The following DNAH1 variants were observed in gnomAD, a reference collection of about 807,000 sequenced individuals.
DNAH1 encodes the protein axonemal beta dynein heavy chain 1.
A neutral mutation model predicts 484.3 loss-of-function variants in DNAH1; 327 were observed. The observed-to-expected ratio is 0.68, with a 90% confidence interval of 0.62 to 0.74. The LOEUF (loss-of-function observed/expected upper bound fraction) is 0.74, where lower values mean the gene tolerates loss of function less well. Among genes scored for constraint, DNAH1 ranks in the 30% least tolerant of loss-of-function variants. The pLI, the probability that DNAH1 is intolerant of heterozygous loss-of-function variation, is 0.00. For missense variants in DNAH1, 5,052 were observed against 5,546.8 expected (o/e 0.91, Z 2.83); for synonymous variants, 2,192 against 2,191.9 (o/e 1.00, Z 0.00).
intron 4 of DNAH1, 141 bp from the exon 5 acceptor site, chr3:52,326,594 A>T: frequency 9.2e-7 from 1 of 1,086,614 alleles, no homozygotes; most frequent in South Asian, 1.6e-5. Flanking sequence ...CTTCCTGATG[A>T]GTCTCAGAGG....
intron 12 of DNAH1, among the ~76,000 whole-genome samples, chr3:52,348,489 G>C (rs934859370): frequency 1.3e-5 from 2 of 152,248 alleles, no homozygotes; most frequent in African/African-American, 4.8e-5. Flanking sequence ...ACACCCAGCT[G>C]CACACAGCCC....
At chr3:52,398,280 C>T in intron 75 of DNAH1, 118 bp downstream of exon 75, 1 of 1,313,134 alleles carries the variant, frequency 7.6e-7, no homozygotes, top group Non-Finnish European at 1.0e-6. Context: ...TCTAACTCAG[C>T]TATTTTTTGT....
chr3:52,394,733 G>A (rs1184100189), intron 67 of DNAH1, 72 bp downstream of exon 67: 5 of 1,513,002 alleles, frequency 3.3e-6, no homozygotes, highest in Admixed American at 2.2e-5. Flanking sequence ...GCTTGTCTGG[G>A]CGCCTTCTCT....
chr3:52,388,997 C>A, intron 59 of DNAH1, 60 bp downstream of exon 59: 1 of 1,508,856 alleles, frequency 6.6e-7, no homozygotes, highest in South Asian at 1.3e-5. Flanking sequence ...ACCCTTCCCC[C>A]TTGAGGCCTC....
At chr3:52,372,824 AC>A in intron 43 of DNAH1, 71 bp from the exon 44 acceptor site, 1 of 1,533,794 alleles carries the variant, frequency 6.5e-7, no homozygotes, top group South Asian at 1.3e-5. Context: ...CAAAGCTGCC[AC>A]CCGTTCGCCC....
At chr3:52,311,013 G>A in the DNAH1 span, among the ~76,000 whole-genome samples, 1 of 152,210 alleles carries the variant, frequency 6.6e-6, no homozygotes. Flanking sequence ...CCCAACTGAG[G>A]GAGGGTTGAC....
chr3:52,344,716 C>T, intron 9 of DNAH1, 69 bp downstream of exon 9: 1 of 1,511,364 alleles, frequency 6.6e-7, no homozygotes, highest in Non-Finnish European at 8.9e-7. Flanking sequence ...CCACCTTCCC[C>T]TCCAGGATTG....
In DNAH1 at chr3:52,388,513, C is replaced by T. The variant is rs773840451; in HGVS notation, c.9267C>T (p.Ala3089=). Residue 3089 remains alanine, a synonymous_variant, in exon 58 of 78, where the codon GCC becomes GCT. Transcript: ENST00000420323. ...TTCGTGAGGTGGAGGACGGCATCGCCACAATGCAGGCTAAGTACCGGGAAT... is the reference window on the plus strand; with the variant it reads ...TTCGTGAGGTGGAGGACGGCATCGCTACAATGCAGGCTAAGTACCGGGAAT... ...QRLREVEDGI[A]TMQAKYRECI... is the part of the protein sequence containing the mutation. 3 of 1,612,852 alleles carry T rather than the reference C, an allele frequency of 1.9e-6. No homozygotes were observed. The highest frequency in any genetic ancestry group is 2.7e-5 in the African/African-American group (2 of 75,052).
intron 8 of DNAH1, among the ~76,000 whole-genome samples, chr3:52,344,259 G>A (rs1702056394): frequency 6.6e-6 from 1 of 152,178 alleles, no homozygotes; most frequent in Admixed American, 6.5e-5. Context: ...ACAGAAAATG[G>A]GGACAAGGGG....
chr3:52,370,182 C>T lies in DNAH1; in HGVS notation c.6211C>T (p.Leu2071Phe). 1.2e-6 allele frequency: 2 copies of T among 1,614,016 alleles called. No individual in the cohort carries two copies. Among genetic ancestry groups the T allele is most frequent in the Non-Finnish European group, 1.7e-6 (2 of 1,179,886 alleles). ...AACCAACTGCAACCTGACCATGAGC[C>T]TCCTCAAGCTGCTGGACTGCTTCTT... ...ASTNCNLTMS[L>F]LKLLDCFFKP... The change falls in exon 39 of 78, where the codon CTC (leucine) becomes TTC (phenylalanine). Residue 2071 changes from leucine to phenylalanine, a missense_variant. Leu to Phe is a conservative substitution (Grantham distance 22, BLOSUM62 0). Around this residue, in one of 4 missense-constraint regions of DNAH1, gnomAD observed 2,929 missense variants for 3,409.4 expected, o/e 0.86. Coordinates refer to ENST00000420323, the MANE Select transcript of DNAH1 (RefSeq NM_015512.5).
chr3:52,319,845 C>T (rs1161261406), intron 1 of DNAH1, among the ~76,000 whole-genome samples: 2 of 152,172 alleles, frequency 1.3e-5, no homozygotes. Context: ...TCTGAGTTTG[C>T]AGCTCACTCT....
At chr3:52,398,432 C>T (rs781267511) in intron 75 of DNAH1, among the ~76,000 whole-genome samples, 1 of 152,174 alleles carries the variant, frequency 6.6e-6, no homozygotes, top group African/African-American at 2.4e-5. Flanking sequence ...TAGGCGCACA[C>T]CACCTAATTA....
chr3:52,349,262 A>G lies in DNAH1; in HGVS notation c.2368A>G (p.Lys790Glu). The G allele has an allele frequency of 6.2e-7, 1 of 1,613,882 alleles. No individual in the cohort carries two copies. The highest frequency in any genetic ancestry group is 1.1e-5 in the South Asian group (1 of 91,078). ...GGTAGTGCTCACCCACCTGCGGGAGAAGGAGATCCTGGACAGCTCGCTGCC... is the reference window on the plus strand; with the variant it reads ...GGTAGTGCTCACCCACCTGCGGGAGGAGGAGATCCTGGACAGCTCGCTGCC... ...REVVLTHLRE[K>E]EILDSSLPSS... The change falls in exon 14 of 78, where the codon AAG becomes GAG. Residue 790 changes from lysine (K) to glutamate (E), a missense_variant. Lys to Glu is a moderately conservative substitution (Grantham distance 56). Around this residue, in one of 4 missense-constraint regions of DNAH1, gnomAD observed 1,263 missense variants for 1,218.8 expected, o/e 1.04. Transcript: ENST00000420323.
In DNAH1 at chr3:52,396,494, T is replaced by G; in HGVS notation, c.11386T>G (p.Ser3796Ala). The G allele has an allele frequency of 6.2e-7, 1 of 1,609,132 alleles. No homozygotes were observed. Among genetic ancestry groups the G allele is most frequent in the Non-Finnish European group, 8.5e-7 (1 of 1,177,788 alleles). ...CGGTGTCAGGGCCAACCTGCTGAAG[T>G]CCTATAGTAGCCTTGGTGAAGACTT... ...PRGVRANLLK[S>A]YSSLGEDFLN... is the part of the protein sequence containing the mutation. The change falls in exon 71 of 78, where the codon TCC becomes GCC. Residue 3796 changes from serine (S) to alanine (A), a missense_variant. Ser to Ala is a moderately conservative substitution (Grantham distance 99, BLOSUM62 1). Transcript: ENST00000420323.
At chr3:52,388,736 A>G (rs1180778558) in intron 58 of DNAH1, 70 bp from the exon 59 acceptor site, 1 of 1,606,144 alleles carries the variant, frequency 6.2e-7, no homozygotes, top group Non-Finnish European at 8.5e-7. Context: ...CAGGTGCCAC[A>G]GTGGGTAGGG....
chr3:52,342,482 G>A (rs1701974792), intron 8 of DNAH1, among the ~76,000 whole-genome samples: 1 of 152,250 alleles, frequency 6.6e-6, no homozygotes, highest in Non-Finnish European at 1.5e-5. Flanking sequence ...TAGCTGAGCA[G>A]CACGGGAGAA....
intron 11 of DNAH1, among the ~76,000 whole-genome samples, chr3:52,347,424 G>A (rs1026287094): frequency 2.0e-5 from 3 of 152,288 alleles, no homozygotes; most frequent in South Asian, 4.1e-4. Flanking sequence ...GCTGGGGGCT[G>A]GATTTATTCT....
rs1441599394 is a variant in DNAH1 at position 52,359,236 on chromosome 3, G to C, written c.4267-10G>C. Reference sequence around the variant, plus strand: ...CTGTCCAGGTCAGCCTGCCCATGCTGTCTTCCCAGATGCCCAGGACCCAGT... The same window carrying C: ...CTGTCCAGGTCAGCCTGCCCATGCTCTCTTCCCAGATGCCCAGGACCCAGT... On this transcript the variant is annotated splice_polypyrimidine_tract_variant and intron_variant, in intron 25 of 77. Transcript: ENST00000420323. 1.3e-6 allele frequency: 2 copies of C among 1,562,988 alleles called. No individual in the cohort carries two copies. Among genetic ancestry groups the C allele is most frequent in the Admixed American group, 3.7e-5 (2 of 53,446 alleles).
rs1462284538 is a variant in DNAH1, at chr3:52,363,084, T to C, written c.5184T>C (p.Ser1728=). The C allele has an allele frequency of 6.2e-7, 1 of 1,613,838 alleles. No homozygotes were observed. Among genetic ancestry groups the C allele is most frequent in the African/African-American group, 1.3e-5 (1 of 74,920 alleles). The change falls in exon 32 of 78, where the codon AGT becomes AGC. Residue 1728 remains serine, a synonymous_variant. Coordinates refer to ENST00000420323, the MANE Select transcript of DNAH1 (RefSeq NM_015512.5). ...SLYSFGFNEA[S]VLAKKITTTF... Reference sequence around the variant, plus strand: ...ATTCCTTTGGCTTTAATGAGGCCAGTGTGCTGGCTAAGAAGATCACAACCA... The same window carrying C: ...ATTCCTTTGGCTTTAATGAGGCCAGCGTGCTGGCTAAGAAGATCACAACCA...
Sources: gnomAD v4.1 joint callset for allele counts (sites outside exome capture counted in the v4.1 genomes callset) on GRCh38, gnomAD v4.1.1 for gene constraint, gnomAD v4.1.1 regional missense constraint, MANE v1.5 for transcripts, NCBI Gene and HGNC (gene_info 2026-07-23, HGNC 2026-07-21) for gene names.